Variants in ANO1 observed in about 807,000 individuals in gnomAD.
The protein encoded by ANO1 is anoctamin-1.
ANO1 carries 59 observed loss-of-function variants against 124.0 expected under a neutral mutation model. That is an observed-to-expected ratio of 0.48 (90% CI 0.39 to 0.59). The LOEUF is 0.59. ANO1 is among the 20% of genes least tolerant of loss of function. ANO1 has a pLI of 0.00. For missense variants in ANO1, 1,059 were observed against 1,328.0 expected (o/e 0.80, Z 3.15); for synonymous variants, 529 against 532.0 (o/e 0.99, Z 0.08).
At chr11:70,073,552 C>A (rs1468422713), upstream of ANO1, among the ~76,000 whole-genome samples, 5 of 151,978 alleles carry the variant, frequency 3.3e-5, no homozygotes, top group Admixed American at 6.6e-5. Flanking sequence ...GTAAAGAGTG[C>A]AGAAATGAAG....
At chr11:69,971,161 T>C in the ANO1 span, among the ~76,000 whole-genome samples, 1 of 152,148 alleles carries the variant, frequency 6.6e-6, no homozygotes, top group Non-Finnish European at 1.5e-5. Context: ...GTCCCTGTGC[T>C]GGGGGGGCAC....
rs114881820 is a variant in ANO1, at chr11:70,109,839, G to A, written c.799+1435G>A. 3.4e-3 allele frequency among the ~76,000 whole-genome samples: 514 copies of A among 152,316 alleles called. 2 individuals carry two copies. Among genetic ancestry groups the A allele is most frequent in the African/African-American group, 0.012 (488 of 41,574 alleles). Reference sequence around the variant, plus strand: ...GACACAGGGTCTCTGTGTTCCCACCGGTTTTGTGGCGGGGCTGGTTCCCTG... The same window carrying A: ...GACACAGGGTCTCTGTGTTCCCACCAGTTTTGTGGCGGGGCTGGTTCCCTG... On this transcript the variant is annotated intron_variant, in intron 6 of 25. Transcript: ENST00000355303.
chr11:70,174,247 T>C (rs1363312681), intron 22 of ANO1, among the ~76,000 whole-genome samples: 1 of 151,406 alleles, frequency 6.6e-6, no homozygotes, highest in Non-Finnish European at 1.5e-5. Context: ...CAAGCCATTT[T>C]TAATTTTTAA....
intron 1 of ANO1, among the ~76,000 whole-genome samples, chr11:70,072,237 G>A (rs1037341845): frequency 1.3e-5 from 2 of 152,206 alleles, no homozygotes; most frequent in East Asian, 1.9e-4. Context: ...TCCCACAGAC[G>A]TGAGGCCCGG....
chr11:70,088,574 G>A (rs115751448), intron 2 of ANO1, among the ~76,000 whole-genome samples: 9,858 of 151,762 alleles, frequency 0.065, 357 homozygotes, highest in Middle Eastern at 0.12. Context: ...TCTTGTTAAG[G>A]TGGGGTAGAA....
intron 11 of ANO1, among the ~76,000 whole-genome samples, chr11:70,143,606 A>T (rs1015564977): frequency 1.3e-5 from 2 of 152,066 alleles, no homozygotes; most frequent in Non-Finnish European, 2.9e-5. Context: ...TAGGTCAGAG[A>T]TCTGCATTTT....
In ANO1 at chr11:70,087,831, A is replaced by G; in HGVS notation, c.188A>G (p.Asp63Gly). 1 of 1,612,986 alleles carries G rather than the reference A, an allele frequency of 6.2e-7. No homozygotes were observed. The highest frequency in any genetic ancestry group is 8.5e-7 in the Non-Finnish European group (1 of 1,179,734). Residue 63 changes from aspartate (D) to glycine (G), a missense_variant, in exon 2 of 26, where the codon GAC becomes GGC. By Grantham distance (94) the Asp-to-Gly change is moderately conservative. Transcript: ENST00000355303. Reference protein sequence around the residue: ...LYFRDGRRKVDYILVYHHKRP... With the variant: ...LYFRDGRRKVGYILVYHHKRP... ...TTCAGGGACGGCCGGCGCAAGGTGG[A>G]CTACATCCTGGTGTACCATCACAAG...
intron 1 of ANO1, among the ~76,000 whole-genome samples, chr11:70,048,660 G>A (rs7952519): frequency 8.0e-6 from 1 of 125,464 alleles, no homozygotes; most frequent in South Asian, 2.7e-4. Context: ...CACACTTCCC[G>A]CCCTCCTCCC....
intron 1 of ANO1, among the ~76,000 whole-genome samples, chr11:70,004,378 G>A (rs547031211): frequency 5.3e-5 from 8 of 152,310 alleles, no homozygotes; most frequent in South Asian, 4.1e-4. Context: ...ACCACACGCC[G>A]GATGCTTATA....
chr11:70,011,439 G>T (rs1856596970), intron 1 of ANO1, among the ~76,000 whole-genome samples: 1 of 152,194 alleles, frequency 6.6e-6, no homozygotes, highest in Admixed American at 6.5e-5. Flanking sequence ...CATGCTGCCA[G>T]TATGTGCCAG....
Position 70,185,619 on chromosome 11 carries a change from C to T in ANO1, c.2618C>T (p.Ser873Leu), listed in dbSNP as rs1292562502. 6.2e-6 allele frequency: 10 copies of T among 1,613,710 alleles called. No individual in the cohort carries two copies. Among genetic ancestry groups the T allele is most frequent in the Non-Finnish European group, 8.5e-6 (10 of 1,179,826 alleles). ...AAAGACTACCGAGAGCCGCCGTGGT[C>T]GGAAAACAAGTACGACATCTCCAAG... ...RYKDYREPPWSENKYDISKDF... is the reference protein window; with the variant it reads ...RYKDYREPPWLENKYDISKDF... The change falls in exon 25 of 26, where the codon TCG (serine) becomes TTG (leucine). Residue 873 changes from serine (S) to leucine (L), a missense_variant. Transcript: ENST00000355303.
At chr11:69,973,236 T>C in the ANO1 span, among the ~76,000 whole-genome samples, 1 of 152,160 alleles carries the variant, frequency 6.6e-6, no homozygotes, top group African/African-American at 2.4e-5. Context: ...CCCCTCACCC[T>C]GCTTCATTTT....
intron 14 of ANO1, among the ~76,000 whole-genome samples, chr11:70,153,804 C>A (rs962294240): frequency 6.6e-6 from 1 of 152,218 alleles, no homozygotes; most frequent in South Asian, 2.1e-4. Context: ...CTCTCTCTGT[C>A]GCTCAGGATG....
intron 21 of ANO1, among the ~76,000 whole-genome samples, chr11:70,168,269 G>T (rs2048330405): frequency 1.3e-5 from 2 of 152,178 alleles, no homozygotes; most frequent in South Asian, 4.1e-4. Flanking sequence ...TGCACGAGAT[G>T]TGCCCTGCTG....
chr11:70,087,623 G>C (rs1565184756), intron 1 of ANO1, 129 bp from the exon 2 acceptor site: 1 of 902,206 alleles, frequency 1.1e-6, no homozygotes, highest in Non-Finnish European at 1.6e-6. Context: ...CCTGGCCCGT[G>C]GAGGGCGCTC....
At chr11:70,063,792 A>C (rs1857653159) in intron 1 of ANO1, 1 of 152,318 alleles carries the variant, frequency 6.6e-6, no homozygotes, top group Non-Finnish European at 1.5e-5. Flanking sequence ...CACAGGGTAC[A>C]TTCCTGCCCT....
chr11:70,185,078 G>A (rs1181398424), intron 24 of ANO1, among the ~76,000 whole-genome samples: 4 of 152,194 alleles, frequency 2.6e-5, no homozygotes, highest in Non-Finnish European at 4.4e-5. Flanking sequence ...AGAGGGGATG[G>A]ACTGGAGGGG....
chr11:70,157,366 CAA>C (rs529445782), intron 16 of ANO1, among the ~76,000 whole-genome samples: 12 of 98,088 alleles, frequency 1.2e-4, no homozygotes, highest in African/African-American at 1.7e-4. Flanking sequence ...GACTCTGTCT[CAA>C]AAAAAAAAAA....
rs541069998 is a variant in ANO1, at chr11:70,094,832, C to T, written c.441+6748C>T. Among the ~76,000 whole-genome samples, 23 of 152,324 alleles carry T rather than the reference C, an allele frequency of 1.5e-4. No individual in the cohort carries two copies. The East Asian group carries it at 1.7e-3, about 12-fold the overall frequency. ...ATGCCTCCCCAGTCTTCAGCTGAGGCGCGAAACAGATTGGATGACTTTTAT... is the reference window on the plus strand; with the variant it reads ...ATGCCTCCCCAGTCTTCAGCTGAGGTGCGAAACAGATTGGATGACTTTTAT... On this transcript the variant is annotated intron_variant, in intron 2 of 25. Coordinates refer to ENST00000355303, the MANE Select transcript of ANO1 (RefSeq NM_018043.7).
Sources: allele counts gnomAD v4.1 joint callset (sites outside exome capture counted in the v4.1 genomes callset), GRCh38; gene constraint gnomAD v4.1.1; transcripts MANE v1.5; gene names NCBI Gene and HGNC (gene_info 2026-07-23, HGNC 2026-07-21).